The following PNPLA7 variants were observed in gnomAD, a reference collection of about 807,000 sequenced individuals.
PNPLA7 encodes patatin-like phospholipase domain-containing protein 7.
Under a neutral mutation model 161.7 loss-of-function variants are expected in PNPLA7, and 153 were observed. That is an observed-to-expected ratio of 0.95 (90% CI 0.83 to 1.08). PNPLA7 has a LOEUF of 1.08. Among genes scored for constraint, PNPLA7 ranks in the 50% least tolerant of loss-of-function variants. PNPLA7 has a pLI of 0.00. For missense variants in PNPLA7, 1,739 were observed against 1,856.6 expected, an observed-to-expected ratio of 0.94 and a Z score of 1.16; for synonymous variants, 809 against 782.1, an observed-to-expected ratio of 1.03 and a Z score of -0.57.
chr9:137,547,769 G>A lies in PNPLA7; in HGVS notation c.31-110C>T. 1 of 1,049,482 alleles carries A rather than the reference G, an allele frequency of 9.5e-7. No homozygotes were observed. The highest frequency in any genetic ancestry group is 1.5e-6 in the Non-Finnish European group (1 of 678,156). 65.0% of individuals were successfully genotyped at this position (1,049,482 alleles called of 1,614,324 possible). ...GTTAGGGGAGAAGTCAGCAGCCCTG[G>A]AGACTTCTGGGAAGAAGTGATCTCG... On this transcript the variant is annotated intron_variant, in intron 1 of 34. Transcript: ENST00000406427. The surrounding 1 kb of genome is among the most constrained non-coding windows in gnomAD (Gnocchi z 4.6).
rs1833265149 is a variant in PNPLA7, at chr9:137,499,567, C to T, written c.1757+1124G>A. Among the ~76,000 whole-genome samples, 1 of 152,200 alleles carries T rather than the reference C, an allele frequency of 6.6e-6. No individual in the cohort carries two copies. The highest frequency in any genetic ancestry group is 2.4e-5 in the African/African-American group (1 of 41,446). ...AGGGACCGGGACTTGGAGCCTCAGTCTCCCCATCAGCACGCTGCGGTGTCA... is the reference window on the plus strand; with the variant it reads ...AGGGACCGGGACTTGGAGCCTCAGTTTCCCCATCAGCACGCTGCGGTGTCA... On this transcript the variant is annotated intron_variant, in intron 16 of 34. Coordinates refer to ENST00000406427, the MANE Select transcript of PNPLA7 (RefSeq NM_001098537.3). The surrounding 1 kb of genome is among the most constrained non-coding windows in gnomAD (Gnocchi z 5.5).
intron 20 of PNPLA7, among the ~76,000 whole-genome samples, chr9:137,487,057 A>T (rs1832523358): frequency 6.8e-6 from 1 of 146,760 alleles, no homozygotes; most frequent in South Asian, 2.1e-4. Context: ...CAGCTCTAGG[A>T]GAAGGTTCTT....
intron 20 of PNPLA7, chr9:137,491,651 G>A: frequency 1.0e-6 from 1 of 985,456 alleles, no homozygotes. Flanking sequence ...TTTTGCAGAG[G>A]AACTCAGATG....
Position 137,493,526 on chromosome 9 carries a change from A to G in PNPLA7, c.2128-444T>C, listed in dbSNP as rs1222942764. On this transcript the variant is annotated intron_variant, in intron 19 of 34. Transcript: ENST00000406427. ...AGCCTGCTTCAGGGCACGGTTGGGGACATTTGTCCTGACTGGACCAAACGG... is the reference window on the plus strand; with the variant it reads ...AGCCTGCTTCAGGGCACGGTTGGGGGCATTTGTCCTGACTGGACCAAACGG... Among the ~76,000 whole-genome samples, 3 of 152,324 alleles carry G rather than the reference A, an allele frequency of 2.0e-5. No homozygotes were observed. The East Asian group carries it at 5.8e-4, about 29-fold the overall frequency.
chr9:137,463,030 G>T, intron 29 of PNPLA7, 197 bp from the exon 30 acceptor site: 1 of 751,040 alleles, frequency 1.3e-6, no homozygotes. Context: ...GGGCCTTTCT[G>T]ACCGTATATC....
At chr9:137,482,186 A>G (rs1458252463) in intron 21 of PNPLA7, among the ~76,000 whole-genome samples, 3 of 152,216 alleles carry the variant, frequency 2.0e-5, no homozygotes, top group Non-Finnish European at 4.4e-5. Flanking sequence ...GGTTTCTTCT[A>G]CAACTAAACA....
In PNPLA7 at chr9:137,523,499, C is replaced by G. The variant is rs1197801118; in HGVS notation, c.748-642G>C. Among the ~76,000 whole-genome samples, 1 of 152,234 alleles carries G rather than the reference C, an allele frequency of 6.6e-6. No individual in the cohort carries two copies. The highest frequency in any genetic ancestry group is 6.5e-5 in the Admixed American group (1 of 15,286). ...TTTCCATCTTCTAGAAATTGGTGGG[C>G]TCTAGAGAGAAAAGGCTGTTTTTAA... On this transcript the variant is annotated intron_variant, in intron 8 of 34. Transcript: ENST00000406427. This position sits in a 1 kb window ranked among gnomAD's most constrained non-coding sequence, Gnocchi z 4.4.
Position 137,474,426 on chromosome 9 carries a change from C to T in PNPLA7, c.2882+3608G>A, listed in dbSNP as rs558796240. ...GACAAATCTCAGGCACGTTATGTCG[C>T]GTGATCAACGCCAGACACCAACAGG... On this transcript the variant is annotated intron_variant, in intron 25 of 34. Transcript: ENST00000406427. Among the ~76,000 whole-genome samples, 15 of 152,192 alleles carry T rather than the reference C, an allele frequency of 9.9e-5. No homozygotes were observed. The South Asian group carries it at 2.1e-3, about 21-fold the overall frequency.
Position 137,481,022 on chromosome 9 carries a change from G to C in PNPLA7, c.2349C>G (p.Gly783=), listed in dbSNP as rs752815455. ...TGTCACTAGTCAGCAGCAGGGTCGGGCCTGAAAACACCACCACCAGTAACG... is the reference window on the plus strand; with the variant it reads ...TGTCACTAGTCAGCAGCAGGGTCGGCCCTGAAAACACCACCACCAGTAACG... ...LELEHALSAI[G]PTLLLTSDNI... Residue 783 remains glycine, a splice_region_variant and synonymous_variant, in exon 22 of 35, where the codon GGC becomes GGG. Coordinates refer to ENST00000406427, the MANE Select transcript of PNPLA7 (RefSeq NM_001098537.3). The C allele has an allele frequency of 3.2e-6, 5 of 1,551,650 alleles. No individual in the cohort carries two copies. The South Asian group carries it at 5.9e-5, about 18-fold the overall frequency.
intron 11 of PNPLA7, among the ~76,000 whole-genome samples, chr9:137,519,159 C>T (rs1834850556): frequency 6.6e-6 from 1 of 152,274 alleles, no homozygotes; most frequent in Non-Finnish European, 1.5e-5. Context: ...TTTAATTTCA[C>T]ATACTTTTGT....
intron 18 of PNPLA7, 41 bp downstream of exon 18, chr9:137,497,146 A>T: frequency 6.7e-7 from 1 of 1,495,484 alleles, no homozygotes; most frequent in Non-Finnish European, 8.9e-7. Flanking sequence ...TCTGGGAGGG[A>T]TGCAGAGGTG....
At chr9:137,461,734 G>GC (rs1223328919) in intron 32 of PNPLA7, 114 bp from the exon 33 acceptor site, 19 of 1,252,886 alleles carry the variant, frequency 1.5e-5, no homozygotes, top group South Asian at 1.4e-4. Flanking sequence ...GCCTCCGCCT[G>GC]CCCCCCAAGT....
chr9:137,484,943 G>C (rs1832397916), intron 20 of PNPLA7, among the ~76,000 whole-genome samples: 1 of 149,472 alleles, frequency 6.7e-6, no homozygotes, highest in African/African-American at 2.4e-5. Flanking sequence ...CCCCAGTCCT[G>C]AGGCTGCCTG....
chr9:137,506,124 C>T (rs1484610771), intron 12 of PNPLA7, 41 bp from the exon 13 acceptor site: 2 of 1,553,202 alleles, frequency 1.3e-6, no homozygotes, highest in African/African-American at 2.7e-5. Flanking sequence ...TTCGCTAGGC[C>T]ACTGACACAA....
rs1463495288 is a variant in PNPLA7 at position 137,546,523 on chromosome 9, C to T, written c.273+307G>A. On this transcript the variant is annotated intron_variant, in intron 4 of 34. Coordinates refer to ENST00000406427, the MANE Select transcript of PNPLA7 (RefSeq NM_001098537.3). The stretch of plus-strand genomic sequence containing the variant: ...GGCCCTACAGGCCTTCCCTCCCCTC[C>T]GGCCACTGTGCACCACAGACATTCC... 3.9e-5 allele frequency among the ~76,000 whole-genome samples: 6 copies of T among 152,340 alleles called. No homozygotes were observed. In the East Asian group the frequency reaches 7.7e-4, roughly 20 times the overall value.
chr9:137,488,949 G>A (rs961170069), intron 20 of PNPLA7, among the ~76,000 whole-genome samples: 2 of 126,130 alleles, frequency 1.6e-5, no homozygotes, highest in African/African-American at 6.4e-5. Flanking sequence ...CCTCTGACCA[G>A]CAGACATGCC....
chr9:137,503,148 G>T (rs149139239), intron 14 of PNPLA7, among the ~76,000 whole-genome samples: 1 of 151,996 alleles, frequency 6.6e-6, no homozygotes, highest in African/African-American at 2.4e-5. Flanking sequence ...TTTGGAGGCC[G>T]AGGCAGGTAG....
At chr9:137,515,242 C>T in intron 12 of PNPLA7, 137 bp downstream of exon 12, 4 of 1,155,196 alleles carry the variant, frequency 3.5e-6, no homozygotes, top group Non-Finnish European at 4.8e-6. Flanking sequence ...CAGGCACAGG[C>T]CCCCCTGGGC....
chr9:137,488,513 C>T (rs183739853), intron 20 of PNPLA7, among the ~76,000 whole-genome samples: 9 of 152,320 alleles, frequency 5.9e-5, no homozygotes, highest in African/African-American at 2.2e-4. Context: ...AGGCAGCTCT[C>T]GCAAGACTCC....
Sources: allele counts gnomAD v4.1 joint callset (sites outside exome capture counted in the v4.1 genomes callset), GRCh38; gene constraint gnomAD v4.1.1; non-coding constraint Gnocchi (gnomAD v3.1); transcripts MANE v1.5; gene names NCBI Gene and HGNC (gene_info 2026-07-23, HGNC 2026-07-21).